XPR1: variants seen among roughly 807,000 people sequenced by gnomAD.
The protein encoded by XPR1 is solute carrier family 53 member 1.
A neutral mutation model predicts 87.5 loss-of-function variants in XPR1; 28 were observed. The observed-to-expected ratio is 0.32, with a 90% CI of 0.24 to 0.44. The LOEUF (loss-of-function observed/expected upper bound fraction) is 0.44, where lower values mean the gene tolerates loss of function less well. XPR1 is among the 20% of genes least tolerant of loss of function. XPR1 has a pLI of 1.00. For synonymous variants in XPR1, 300 were observed against 306.1 expected, an observed-to-expected ratio of 0.98 and a Z score of 0.21; for missense variants, 559 against 862.3, an observed-to-expected ratio of 0.65 and a Z score of 4.41.
At position 180,753,931 on chromosome 1, in the gene XPR1, A is replaced by G. The variant is rs533767121; in HGVS notation, c.122-33822A>G. Among the ~76,000 whole-genome samples the G allele has an allele frequency of 5.6e-4, 85 of 152,270 alleles. 1 individual carries two copies. In the East Asian group the frequency reaches 6.6e-3, roughly 12 times the overall value. ...AACCTATCTGTCCTGAAACATGTCAATCATTCTTTAGAGCCTTTATATTTT... is the reference window on the plus strand; with the variant it reads ...AACCTATCTGTCCTGAAACATGTCAGTCATTCTTTAGAGCCTTTATATTTT... On this transcript the variant is annotated intron_variant, in intron 2 of 14. Coordinates refer to ENST00000367590, the MANE Select transcript of XPR1 (RefSeq NM_004736.4).
intron 7 of XPR1, among the ~76,000 whole-genome samples, chr1:180,812,123 A>T (rs1359865439): frequency 1.3e-5 from 2 of 150,264 alleles, no homozygotes; most frequent in Non-Finnish European, 2.9e-5. Context: ...ACTTCTTGAA[A>T]CACTTTGATT....
At chr1:180,819,949 G>A (rs12097202) in intron 7 of XPR1, among the ~76,000 whole-genome samples, 16 of 151,974 alleles carry the variant, frequency 1.1e-4, no homozygotes, top group Non-Finnish European at 1.5e-4. Context: ...GGACCCAGGA[G>A]GGGGAGGGTG....
At chr1:180,669,647 C>T (rs1240656888) in intron 1 of XPR1, among the ~76,000 whole-genome samples, 2 of 152,118 alleles carry the variant, frequency 1.3e-5, no homozygotes, top group East Asian at 3.9e-4. Flanking sequence ...CAGATGTGAG[C>T]CACTGCGTAT....
At chr1:180,739,337 T>C (rs1224386352) in intron 2 of XPR1, among the ~76,000 whole-genome samples, 1 of 152,230 alleles carries the variant, frequency 6.6e-6, no homozygotes, top group Non-Finnish European at 1.5e-5. Context: ...TTTCAAAAAT[T>C]TTATGGCTAT....
intron 2 of XPR1, among the ~76,000 whole-genome samples, chr1:180,748,364 CTTAA>C (rs942574179): frequency 3.2e-4 from 44 of 135,576 alleles, no homozygotes; most frequent in African/African-American, 1.1e-3. Flanking sequence ...AAACTCATCA[CTTAA>C]TTATTTTGCT....
At chr1:180,712,258 T>TA (rs1251467171) in intron 2 of XPR1, among the ~76,000 whole-genome samples, 48 of 152,322 alleles carry the variant, frequency 3.2e-4, no homozygotes, top group African/African-American at 1.1e-3. Context: ...AGTACCATGA[T>TA]AGCCTGATAA....
chr1:180,714,365 CTCTCTCTCTCTCT>C (rs770840483), intron 2 of XPR1, among the ~76,000 whole-genome samples: 2,926 of 142,072 alleles, frequency 0.021, 48 homozygotes, highest in African/African-American at 0.026. Context: ...CTCTCTCTCT[CTCTCTCTCTCTCT>C]CTCTCTCTCT....
At chr1:180,769,744 G>T (rs1250440801) in intron 2 of XPR1, among the ~76,000 whole-genome samples, 1 of 152,212 alleles carries the variant, frequency 6.6e-6, no homozygotes, top group African/African-American at 2.4e-5. Flanking sequence ...AAACATGGGA[G>T]TGCAGATATC....
chr1:180,635,304 A>T (rs1038212593), intron 1 of XPR1, among the ~76,000 whole-genome samples: 13 of 152,204 alleles, frequency 8.5e-5, no homozygotes, highest in Non-Finnish European at 1.9e-4. Context: ...TGTAAAATAG[A>T]ACACCGGTAA....
chr1:180,651,087 C>G, intron 1 of XPR1, among the ~76,000 whole-genome samples: 1 of 151,638 alleles, frequency 6.6e-6, no homozygotes, highest in Non-Finnish European at 1.5e-5. Context: ...ATGATAGTAG[C>G]TGGACATTTG....
At position 180,820,957 on chromosome 1, in the gene XPR1, C is replaced by G. The variant is rs184429314; in HGVS notation, c.764-3796C>G. Among the ~76,000 whole-genome samples the G allele has an allele frequency of 1.7e-4, 25 of 151,302 alleles. No homozygotes were observed. The East Asian group carries it at 3.9e-3, about 23-fold the overall frequency. ...AAGTTGTAAGAGTTCTTCATGTGTT[C>G]TAGATACTAGACCCTTATATTAGAT... is the stretch of plus-strand genomic sequence containing the variant. On this transcript the variant is annotated intron_variant, in intron 7 of 14. Coordinates refer to ENST00000367590, the MANE Select transcript of XPR1 (RefSeq NM_004736.4).
At chr1:180,822,996 T>A (rs993989323) in intron 7 of XPR1, among the ~76,000 whole-genome samples, 1 of 152,168 alleles carries the variant, frequency 6.6e-6, no homozygotes, top group African/African-American at 2.4e-5. Flanking sequence ...TCCCAGCACT[T>A]TGGGAGGCCG....
intron 14 of XPR1, 38 bp downstream of exon 14, chr1:180,880,335 T>A (rs1652810954): frequency 6.2e-7 from 1 of 1,611,496 alleles, no homozygotes. Flanking sequence ...CATATTTCCT[T>A]TGAGTTTTAG....
At chr1:180,860,802 TAA>T (rs201858737) in intron 11 of XPR1, among the ~76,000 whole-genome samples, 16 of 128,576 alleles carry the variant, frequency 1.2e-4, no homozygotes, top group African/African-American at 8.6e-5. Flanking sequence ...AGGATGTGAC[TAA>T]AAAAAAAAAA....
chr1:180,648,781 T>C (rs1655201051), intron 1 of XPR1, among the ~76,000 whole-genome samples: 1 of 152,188 alleles, frequency 6.6e-6, no homozygotes, highest in East Asian at 1.9e-4. Context: ...GTGCTGGAAT[T>C]ACAGGTGTAA....
intron 2 of XPR1, among the ~76,000 whole-genome samples, chr1:180,729,403 G>A (rs1658477580): frequency 6.6e-6 from 1 of 152,114 alleles, no homozygotes; most frequent in African/African-American, 2.4e-5. Flanking sequence ...CGGTAGTTCT[G>A]GGTCATTCCC....
Position 180,884,856 on chromosome 1 carries a change from GTT to G in XPR1, c.*794_*795del. ...ACCAGTTTGACCTTTTCTTTTCTTT[GTT>G]TTTATTTTAAGCCAAAGTTTCATTG... On this transcript the variant is annotated 3_prime_UTR_variant, in exon 15 of 15. Coordinates refer to ENST00000367590, the MANE Select transcript of XPR1 (RefSeq NM_004736.4). The G allele has an allele frequency of 6.6e-6, 1 of 152,560 alleles. No homozygotes were observed. 9.5% of individuals were successfully genotyped at this position (152,560 alleles called of 1,614,324 possible). A position where few individuals can be genotyped will look rare whatever the true frequency, so the allele number is the denominator to read the frequency against.
chr1:180,697,338 T>C (rs1657204520), intron 2 of XPR1, among the ~76,000 whole-genome samples: 1 of 152,050 alleles, frequency 6.6e-6, no homozygotes, highest in African/African-American at 2.4e-5. Context: ...CTTTCTAATT[T>C]TATATGGGTC....
intron 2 of XPR1, among the ~76,000 whole-genome samples, chr1:180,718,957 G>A (rs1278632907): frequency 6.6e-6 from 1 of 152,142 alleles, no homozygotes; most frequent in East Asian, 1.9e-4. Context: ...ATGAGCCACT[G>A]TACCCAGCCG....
Sources: gnomAD v4.1 joint callset for allele counts (sites outside exome capture counted in the v4.1 genomes callset) on GRCh38, gnomAD v4.1.1 for gene constraint, MANE v1.5 for transcripts, NCBI Gene and HGNC (gene_info 2026-07-23, HGNC 2026-07-21) for gene names.